Variants in EFR3A observed in about 807,000 individuals in gnomAD.
EFR3A encodes the protein protein EFR3 homolog A.
EFR3A carries 76 observed loss-of-function variants against 104.4 expected under a neutral mutation model. The observed-to-expected ratio is 0.73, with a 90% CI of 0.60 to 0.88. The LOEUF (loss-of-function observed/expected upper bound fraction) is 0.88. Ranked by LOEUF, EFR3A falls within the 40% of genes least tolerant of loss-of-function variation. The pLI is 0.00. For synonymous variants in EFR3A, 330 were observed against 330.0 expected (o/e 1.00, Z 0.00); for missense variants, 985 against 1,012.5 (o/e 0.97, Z 0.37).
At chr8:131,986,789 C>CAAAAA (rs10569128) in intron 17 of EFR3A, among the ~76,000 whole-genome samples, 2 of 67,978 alleles carry the variant, frequency 2.9e-5, no homozygotes, top group East Asian at 4.6e-4. Context: ...GACTCCATCT[C>CAAAAA]AAAAAAAAAA....
chr8:131,956,320 G>A (rs1501061), intron 7 of EFR3A, among the ~76,000 whole-genome samples: 131,314 of 152,172 alleles, frequency 0.86, 56,781 homozygotes, highest in East Asian at 0.94. Context: ...GCCTTAGATC[G>A]CATTCACATC....
intron 13 of EFR3A, 149 bp from the exon 14 acceptor site, chr8:131,979,197 G>T (rs1820475672): frequency 1.1e-6 from 1 of 899,084 alleles, no homozygotes; most frequent in Non-Finnish European, 1.6e-6. Context: ...ATTTTTGGAG[G>T]GCACGTATGT....
chr8:131,996,414 C>T lies in EFR3A; in HGVS notation c.2074C>T (p.Arg692Ter), dbSNP rs770587283. 7 of 1,574,718 alleles carry T rather than the reference C, an allele frequency of 4.4e-6. No individual in the cohort carries two copies. The highest frequency in any genetic ancestry group is 4.6e-5 in the East Asian group (2 of 43,726). ...AAACAATTTTATTTTAGATGAAGAT[C>T]GACTTTCTAGAAGAAAAAGCATTGT... Reference protein sequence around the residue: ...PYVPQVTDEDRLSRRKSIVDT... With the variant: ...PYVPQVTDED Residue 692 changes from arginine to a stop codon, truncating the protein, a stop_gained, in exon 19 of 23, where the codon CGA becomes TGA. Transcript: ENST00000254624. LOFTEE classifies it high-confidence loss of function.
chr8:132,010,868 G>A lies in EFR3A; in HGVS notation c.2439G>A (p.Met813Ile), dbSNP rs756068398. The A allele has an allele frequency of 6.2e-7, 1 of 1,612,388 alleles. No individual in the cohort carries two copies. Among genetic ancestry groups the A allele is most frequent in the Non-Finnish European group, 8.5e-7 (1 of 1,178,848 alleles). The change falls in exon 23 of 23, where the codon ATG (methionine) becomes ATA (isoleucine). Residue 813 changes from methionine (M) to isoleucine (I), a missense_variant. Met to Ile is a conservative substitution (Grantham distance 10). Coordinates refer to ENST00000254624, the MANE Select transcript of EFR3A (RefSeq NM_015137.6). ...ACCAATCTGTCCCAGTCTATGAGAT[G>A]AAGTTTCCAGATCTGTGTGTGTACT... ...AQYQSVPVYE[M>I]KFPDLCVY
chr8:131,904,890 G>A (rs2130351703), intron 1 of EFR3A, among the ~76,000 whole-genome samples: 1 of 152,326 alleles, frequency 6.6e-6, no homozygotes, highest in African/African-American at 2.4e-5. Context: ...CACCCGGGCA[G>A]ATGATTAAAA....
intron 6 of EFR3A, among the ~76,000 whole-genome samples, chr8:131,955,234 T>C (rs566420803): frequency 7.9e-5 from 12 of 152,290 alleles, no homozygotes; most frequent in Admixed American, 2.6e-4. Flanking sequence ...GTGCCACATA[T>C]ACATTTTTAG....
At chr8:131,934,325 G>A (rs1297770251) in intron 1 of EFR3A, among the ~76,000 whole-genome samples, 1 of 152,026 alleles carries the variant, frequency 6.6e-6, no homozygotes, top group East Asian at 1.9e-4. Flanking sequence ...CTGTAGTTCA[G>A]TCTTACTTGT....
chr8:131,952,745 A>AT, intron 5 of EFR3A, among the ~76,000 whole-genome samples: 1 of 151,916 alleles, frequency 6.6e-6, no homozygotes, highest in Admixed American at 6.6e-5. Context: ...CTTCCAATTC[A>AT]TTTTTCTCAC....
At chr8:132,003,152 CT>C in intron 21 of EFR3A, 83 bp from the exon 22 acceptor site, 1 of 1,110,604 alleles carries the variant, frequency 9.0e-7, no homozygotes, top group Non-Finnish European at 1.3e-6. Flanking sequence ...CACAATTATA[CT>C]TTGTCTCTTA....
intron 1 of EFR3A, among the ~76,000 whole-genome samples, chr8:131,920,524 G>A (rs1002242362): frequency 2.0e-5 from 3 of 152,138 alleles, no homozygotes; most frequent in Admixed American, 1.3e-4. Context: ...GGTAAGTTTT[G>A]TAATATGACA....
intron 1 of EFR3A, chr8:131,940,267 G>A (rs781263913): frequency 1.7e-4 from 82 of 479,580 alleles, no homozygotes; most frequent in Middle Eastern, 1.1e-3. Flanking sequence ...TGAATTTGGC[G>A]GGATGTGTAT....
At chr8:131,932,443 T>C in intron 1 of EFR3A, among the ~76,000 whole-genome samples, 1 of 152,142 alleles carries the variant, frequency 6.6e-6, no homozygotes, top group East Asian at 1.9e-4. Flanking sequence ...ATTCAGGTTG[T>C]TAGAAGTCCT....
chr8:131,908,456 C>T (rs866654493), intron 1 of EFR3A, among the ~76,000 whole-genome samples: 1 of 152,158 alleles, frequency 6.6e-6, no homozygotes, highest in Non-Finnish European at 1.5e-5. Context: ...TTTATGAAGA[C>T]TTACAGTTTG....
chr8:131,997,700 T>C lies in EFR3A; in HGVS notation c.2157+1203T>C, dbSNP rs1270802857. On this transcript the variant is annotated intron_variant, in intron 19 of 22. Transcript: ENST00000254624. ...TGCTAGTTCTGTCTTTTAATGATTA[T>C]GAATTTGCCACTATTACCTTTCTAG... 2.0e-5 allele frequency among the ~76,000 whole-genome samples: 3 copies of C among 152,126 alleles called. No individual in the cohort carries two copies. In the East Asian group the frequency reaches 5.8e-4, roughly 29 times the overall value.
intron 15 of EFR3A, 123 bp downstream of exon 15, chr8:131,984,423 A>G: frequency 1.1e-6 from 1 of 918,546 alleles, no homozygotes; most frequent in Non-Finnish European, 1.6e-6. Context: ...TAAATCTAAA[A>G]TACTCAAGAC....
chr8:131,983,398 G>T (rs926814712), intron 14 of EFR3A, among the ~76,000 whole-genome samples: 1 of 152,130 alleles, frequency 6.6e-6, no homozygotes, highest in Admixed American at 6.6e-5. Context: ...CCAGCGGGCA[G>T]TTAGAGTTGA....
At chr8:131,944,316 T>C (rs1019944728) in intron 2 of EFR3A, among the ~76,000 whole-genome samples, 2 of 152,138 alleles carry the variant, frequency 1.3e-5, no homozygotes, top group Admixed American at 6.6e-5. Context: ...CAAAAACTTA[T>C]AATGATATCA....
intron 9 of EFR3A, 114 bp from the exon 10 acceptor site, chr8:131,970,362 G>T: frequency 1.0e-6 from 1 of 955,452 alleles, no homozygotes; most frequent in Non-Finnish European, 1.5e-6. Context: ...AAATTACTAT[G>T]GATTTCTGAC....
At chr8:131,930,991 A>G (rs1014949602) in intron 1 of EFR3A, among the ~76,000 whole-genome samples, 1 of 152,178 alleles carries the variant, frequency 6.6e-6, no homozygotes, top group Admixed American at 6.6e-5. Flanking sequence ...CATATGCTAA[A>G]TTCTCTACAT....
Sources: gnomAD v4.1 joint callset for allele counts (sites outside exome capture counted in the v4.1 genomes callset) on GRCh38, gnomAD v4.1.1 for gene constraint, MANE v1.5 for transcripts, NCBI Gene and HGNC (gene_info 2026-07-23, HGNC 2026-07-21) for gene names.